The following EYS variants were observed in gnomAD, a reference collection of about 807,000 sequenced individuals.
EYS encodes EGF-like photoreceptor maintenance factor.
A neutral mutation model predicts 282.1 loss-of-function variants in EYS; 250 were observed. The observed-to-expected ratio is 0.89, with a 90% CI of 0.80 to 0.98. EYS has a LOEUF of 0.98. EYS is among the 50% of genes least tolerant of loss of function. EYS has a pLI of 0.00. For missense variants in EYS, 4,016 were observed against 3,709.0 expected (o/e 1.08, Z -2.15); for synonymous variants, 1,355 against 1,282.9 (o/e 1.06, Z -1.20).
intron 12 of EYS, among the ~76,000 whole-genome samples, chr6:65,213,597 T>C (rs1343122962): frequency 1.5e-4 from 23 of 152,190 alleles, no homozygotes; most frequent in Non-Finnish European, 2.9e-5. Flanking sequence ...CTTATGTTAC[T>C]AATGGAATTG....
intron 12 of EYS, among the ~76,000 whole-genome samples, chr6:65,251,511 A>G (rs542519763): frequency 6.6e-6 from 1 of 152,060 alleles, no homozygotes; most frequent in East Asian, 1.9e-4. Flanking sequence ...TATAATCAAG[A>G]TAGAGACACT....
At chr6:64,010,389 TG>T (rs1356267306) in intron 33 of EYS, among the ~76,000 whole-genome samples, 15 of 87,750 alleles carry the variant, frequency 1.7e-4, no homozygotes, top group African/African-American at 6.3e-4. Context: ...TGTGTGTGTT[TG>T]GTTGGGGGGG....
chr6:65,336,863 T>A (rs892734132), intron 10 of EYS, among the ~76,000 whole-genome samples: 2 of 151,572 alleles, frequency 1.3e-5, no homozygotes, highest in Non-Finnish European at 3.0e-5. Flanking sequence ...AGAAGAGAAA[T>A]GCACTTCTTA....
intron 2 of EYS, among the ~76,000 whole-genome samples, chr6:65,617,327 GAC>G (rs1350894464): frequency 6.6e-6 from 1 of 152,058 alleles, no homozygotes; most frequent in Admixed American, 6.6e-5. Flanking sequence ...GTTTACTAGT[GAC>G]AGTCAGAATG....
intron 12 of EYS, among the ~76,000 whole-genome samples, chr6:65,226,122 A>G (rs1009446225): frequency 6.6e-6 from 1 of 152,100 alleles, no homozygotes; most frequent in Non-Finnish European, 1.5e-5. Context: ...GGAAATTCTT[A>G]AGAATAGTAA....
At chr6:63,729,668 A>G (rs1257446805) in intron 41 of EYS, among the ~76,000 whole-genome samples, 4 of 152,198 alleles carry the variant, frequency 2.6e-5, no homozygotes, top group South Asian at 4.1e-4. Flanking sequence ...TATAAAATGG[A>G]TATAGGATGA....
At chr6:64,994,778 A>G (rs1227363466) in intron 14 of EYS, among the ~76,000 whole-genome samples, 9 of 152,100 alleles carry the variant, frequency 5.9e-5, no homozygotes. Context: ...TCTTTGTACT[A>G]TTTTTGTTTT....
chr6:64,417,456 A>G (rs1430420971), intron 28 of EYS, among the ~76,000 whole-genome samples: 1 of 152,192 alleles, frequency 6.6e-6, no homozygotes, highest in African/African-American at 2.4e-5. Flanking sequence ...AAAACCATTT[A>G]TACCTTATCA....
At chr6:64,970,623 T>G (rs1252766878) in intron 14 of EYS, among the ~76,000 whole-genome samples, 2 of 152,228 alleles carry the variant, frequency 1.3e-5, no homozygotes, top group Non-Finnish European at 2.9e-5. Flanking sequence ...CAGCAAATTG[T>G]GCATCACAGT....
chr6:65,120,833 G>A (rs1233866316), intron 12 of EYS, among the ~76,000 whole-genome samples: 5 of 151,980 alleles, frequency 3.3e-5, no homozygotes, highest in Admixed American at 3.3e-4. Flanking sequence ...ATCTCAACCT[G>A]AACATTTTTA....
chr6:65,271,847 G>A (rs796574566), intron 12 of EYS, among the ~76,000 whole-genome samples: 1 of 152,124 alleles, frequency 6.6e-6, no homozygotes, highest in Admixed American at 6.6e-5. Flanking sequence ...GCCTCCCAAA[G>A]TGCTGGAATT....
At chr6:65,075,736 C>G (rs1017459445) in intron 12 of EYS, among the ~76,000 whole-genome samples, 2 of 151,758 alleles carry the variant, frequency 1.3e-5, no homozygotes, top group East Asian at 3.9e-4. Context: ...TTTCTCACAG[C>G]CTAATATTTC....
chr6:64,560,850 C>T lies in EYS; in HGVS notation c.5644+29373G>A, dbSNP rs185157866. 9.9e-5 allele frequency among the ~76,000 whole-genome samples: 15 copies of T among 152,078 alleles called. No homozygotes were observed. The East Asian group carries it at 1.7e-3, about 18-fold the overall frequency. On this transcript the variant is annotated intron_variant, in intron 26 of 42. Transcript: ENST00000503581. Reference sequence around the variant, plus strand: ...CGATAAAGAATAGCATAGTCTGAGACGTATAAGAAATAACAAAACCTGGCA... The same window carrying T: ...CGATAAAGAATAGCATAGTCTGAGATGTATAAGAAATAACAAAACCTGGCA...
chr6:64,115,579 C>T (rs1773353120), intron 31 of EYS, among the ~76,000 whole-genome samples: 1 of 152,158 alleles, frequency 6.6e-6, no homozygotes, highest in South Asian at 2.1e-4. Flanking sequence ...TCTTTGCCAG[C>T]CTTGATCTCA....
At chr6:65,328,920 C>A (rs1769699287) in intron 11 of EYS, among the ~76,000 whole-genome samples, 1 of 151,186 alleles carries the variant, frequency 6.6e-6, no homozygotes, top group Admixed American at 6.6e-5. Context: ...TAAACTTGAG[C>A]AAGCTATGCT....
At position 63,944,665 on chromosome 6, in the gene EYS, A is replaced by G. The variant is rs529487270; in HGVS notation, c.7055+39718T>C. ...CTATACTGGCCAGGAGTGGTGGCTCATGCCTGTAATCCTAGCACTTTGGGA... is the reference window on the plus strand; with the variant it reads ...CTATACTGGCCAGGAGTGGTGGCTCGTGCCTGTAATCCTAGCACTTTGGGA... On this transcript the variant is annotated intron_variant, in intron 35 of 42. Transcript: ENST00000503581. Among the ~76,000 whole-genome samples the G allele has an allele frequency of 8.8e-4, 134 of 152,282 alleles. 1 individual carries two copies. The highest frequency in any genetic ancestry group is 3.1e-3 in the African/African-American group (130 of 41,576).
chr6:63,850,714 C>T (rs752354190), intron 36 of EYS, among the ~76,000 whole-genome samples: 9 of 152,152 alleles, frequency 5.9e-5, no homozygotes, highest in Non-Finnish European at 1.0e-4. Context: ...CCAGCCACTG[C>T]AAGAACATAC....
At chr6:64,793,849 C>T (rs1201221657) in intron 22 of EYS, among the ~76,000 whole-genome samples, 2 of 151,922 alleles carry the variant, frequency 1.3e-5, no homozygotes, top group Non-Finnish European at 2.9e-5. Flanking sequence ...GAGATATACT[C>T]TCTTAGCAAA....
intron 30 of EYS, among the ~76,000 whole-genome samples, chr6:64,304,252 T>A (rs1247793715): frequency 1.3e-5 from 2 of 152,138 alleles, no homozygotes; most frequent in East Asian, 3.9e-4. Flanking sequence ...AGACCTGGCA[T>A]ATAAACACTT....
Sources: gnomAD v4.1 joint callset for allele counts (sites outside exome capture counted in the v4.1 genomes callset) on GRCh38, gnomAD v4.1.1 for gene constraint, MANE v1.5 for transcripts, NCBI Gene and HGNC (gene_info 2026-07-23, HGNC 2026-07-21) for gene names.